Variants in KANK1 observed in about 807,000 individuals in gnomAD.
KANK1 encodes KN motif and ankyrin repeat domain-containing protein 1.
Under a neutral mutation model 106.2 loss-of-function variants are expected in KANK1, and 109 were observed. The observed-to-expected ratio is 1.03, with a 90% CI of 0.88 to 1.20. KANK1 has a LOEUF of 1.20. Ranked by LOEUF, KANK1 falls within the 50% of genes most tolerant of loss-of-function variation. The pLI is 0.00. For synonymous variants in KANK1, 873 were observed against 652.2 expected (o/e 1.34, Z -5.16); for missense variants, 2,399 against 1,710.7 (o/e 1.40, Z -7.10).
intron 1 of KANK1, among the ~76,000 whole-genome samples, chr9:519,323 C>G (rs539456313): frequency 3.3e-5 from 5 of 151,884 alleles, no homozygotes; most frequent in African/African-American, 1.2e-4. Flanking sequence ...CTTCCAACTT[C>G]TCAGGATCTG....
chr9:593,191 T>A (rs1363979377), intron 1 of KANK1, among the ~76,000 whole-genome samples: 2 of 151,876 alleles, frequency 1.3e-5, no homozygotes, highest in African/African-American at 4.9e-5. Context: ...AAAAATCCTT[T>A]GGCAGACCAT....
chr9:623,930 A>G (rs527546917), intron 1 of KANK1, among the ~76,000 whole-genome samples: 2 of 152,270 alleles, frequency 1.3e-5, no homozygotes, highest in South Asian at 4.1e-4. Context: ...CTTCACTTCC[A>G]TATTTATTTC....
At chr9:664,535 G>A (rs1413488045) in intron 1 of KANK1, among the ~76,000 whole-genome samples, 2 of 152,080 alleles carry the variant, frequency 1.3e-5, no homozygotes, top group Non-Finnish European at 2.9e-5. Context: ...GGACTCAAGC[G>A]ATCCACCTGC....
In KANK1 at chr9:711,917, G is replaced by A. The variant is rs577267993; in HGVS notation, c.1151G>A (p.Ser384Asn). ...GCCCTGGAGCAGAAGATCCAGGACA[G>A]CAGCTGTGAGGCCTCCTCAGAGCTC... ...MQALEQKIQD[S>N]SCEASSELRE... is the part of the protein sequence containing the mutation. The change falls in exon 3 of 12, where the codon AGC becomes AAC. Residue 384 changes from serine to asparagine, a missense_variant. By Grantham distance (46) the Ser-to-Asn change is conservative. Transcript: ENST00000382297. 6.2e-7 allele frequency: 1 copy of A among 1,614,208 alleles called. No individual in the cohort carries two copies. Among genetic ancestry groups the A allele is most frequent in the African/African-American group, 1.3e-5 (1 of 75,048 alleles).
At position 712,002 on chromosome 9, in the gene KANK1, C is replaced by G. The variant is rs201871466; in HGVS notation, c.1236C>G (p.Ile412Met). ...GTGCCGAGGAGAACATGAACGACAT[C>G]GTCGTGTACCACAGAGGCTCCAGGT... ...AVGAEENMND[I>M]VVYHRGSRSC... Residue 412 changes from isoleucine (I) to methionine (M), a missense_variant, in exon 3 of 12, where the codon ATC (isoleucine) becomes ATG (methionine). Ile to Met is a conservative substitution (Grantham distance 10). Transcript: ENST00000382297. The G allele has an allele frequency of 6.2e-7, 1 of 1,614,116 alleles. No individual in the cohort carries two copies. Among genetic ancestry groups the G allele is most frequent in the East Asian group, 2.2e-5 (1 of 44,880 alleles).
chr9:736,635 G>A (rs1833869519), intron 7 of KANK1, among the ~76,000 whole-genome samples: 1 of 152,004 alleles, frequency 6.6e-6, no homozygotes, highest in Non-Finnish European at 1.5e-5. Context: ...AGGAAGTTCA[G>A]GCTGCAGTGC....
chr9:595,971 G>A (rs1826107607), intron 1 of KANK1, among the ~76,000 whole-genome samples: 1 of 151,908 alleles, frequency 6.6e-6, no homozygotes, highest in Admixed American at 6.5e-5. Context: ...TTGAATTTGG[G>A]AATATTTGCA....
In KANK1 at chr9:550,318, A is replaced by T. The variant is rs185943439; in HGVS notation, c.-84+45564A>T. On this transcript the variant is annotated intron_variant, in intron 1 of 11. Coordinates refer to ENST00000382297, the MANE Select transcript of KANK1 (RefSeq NM_015158.5). ...GCCGTTATAGGGTGTTTATTACCAA[A>T]AAAACCTCCTTCTTATTTAATAATA... Among the ~76,000 whole-genome samples, 428 of 152,316 alleles carry T rather than the reference A, an allele frequency of 2.8e-3. 1 individual carries two copies. Among genetic ancestry groups the T allele is most frequent in the African/African-American group, 0.01 (418 of 41,562 alleles).
chr9:607,926 C>T (rs971829742), intron 1 of KANK1, among the ~76,000 whole-genome samples: 3 of 150,628 alleles, frequency 2.0e-5, no homozygotes, highest in East Asian at 1.9e-4. Context: ...TTCATTTTTC[C>T]TTGTGAACAT....
intron 2 of KANK1, chr9:684,358 G>A: frequency 1.0e-6 from 1 of 985,376 alleles, no homozygotes; most frequent in Non-Finnish European, 1.2e-6. Flanking sequence ...CCTTTGGTTG[G>A]GGATTTTTGC....
intron 2 of KANK1, among the ~76,000 whole-genome samples, chr9:694,614 G>T (rs995437377): frequency 2.0e-5 from 3 of 152,112 alleles, no homozygotes; most frequent in Admixed American, 6.5e-5. Context: ...TGTATAAACC[G>T]CAAGGCCCCT....
intron 1 of KANK1, among the ~76,000 whole-genome samples, chr9:535,354 C>T (rs939510565): frequency 1.3e-5 from 2 of 152,100 alleles, no homozygotes; most frequent in South Asian, 4.1e-4. Flanking sequence ...GAGAAGAGTC[C>T]TCGGGGGCTT....
intron 1 of KANK1, among the ~76,000 whole-genome samples, chr9:585,968 GA>G (rs1005551568): frequency 2.0e-5 from 3 of 152,188 alleles, no homozygotes; most frequent in Admixed American, 6.5e-5. Context: ...GTAGATGTAA[GA>G]AAACGTTAGG....
chr9:702,977 T>G (rs554072975), intron 2 of KANK1, among the ~76,000 whole-genome samples: 1 of 152,062 alleles, frequency 6.6e-6, no homozygotes, highest in African/African-American at 2.4e-5. Context: ...TTTTTTGGAG[T>G]GGGGGCGGGG....
At chr9:573,203 C>G (rs961393141) in intron 1 of KANK1, among the ~76,000 whole-genome samples, 5 of 152,010 alleles carry the variant, frequency 3.3e-5, no homozygotes, top group African/African-American at 1.2e-4. Flanking sequence ...TGTGGAGGAG[C>G]TAGAGGAACA....
intron 1 of KANK1, among the ~76,000 whole-genome samples, chr9:606,233 A>G (rs547806084): frequency 6.6e-6 from 1 of 151,212 alleles, no homozygotes; most frequent in Non-Finnish European, 1.5e-5. Flanking sequence ...TTTATATAAT[A>G]TGTAAAATTT....
chr9:497,422 G>A (rs966209836), intron 3 of KANK1, among the ~76,000 whole-genome samples: 24 of 143,710 alleles, frequency 1.7e-4, no homozygotes, highest in African/African-American at 7.1e-4. Context: ...AGGTATGCAT[G>A]TGACTCTTCA....
intron 1 of KANK1, among the ~76,000 whole-genome samples, chr9:673,324 C>T (rs1037423308): frequency 6.7e-6 from 1 of 150,098 alleles, no homozygotes; most frequent in Non-Finnish European, 1.5e-5. Context: ...ATTCTTGTGC[C>T]TCAGCCTCCC....
At chr9:684,924 A>G (rs1021352419) in intron 2 of KANK1, among the ~76,000 whole-genome samples, 5 of 152,158 alleles carry the variant, frequency 3.3e-5, no homozygotes, top group African/African-American at 1.2e-4. Context: ...AATTAATTGC[A>G]TTGGGTAGAC....
Sources: allele counts gnomAD v4.1 joint callset (sites outside exome capture counted in the v4.1 genomes callset), GRCh38; gene constraint gnomAD v4.1.1; transcripts MANE v1.5; gene names NCBI Gene and HGNC (gene_info 2026-07-23, HGNC 2026-07-21).